The following VAV2 variants were observed in gnomAD, a reference collection of about 807,000 sequenced individuals.
The protein encoded by VAV2 is guanine nucleotide exchange factor VAV2.
In VAV2, 67 loss-of-function variants were observed where a neutral mutation model predicts 132.5. The ratio of observed to expected loss-of-function variants is 0.51; its 90% CI spans 0.42 to 0.62. VAV2 has a LOEUF of 0.62. Ranked by LOEUF, VAV2 falls within the 20% of genes least tolerant of loss-of-function variation. VAV2 has a pLI of 0.00. For missense variants in VAV2, 938 were observed against 1,153.6 expected (o/e 0.81, Z 2.71); for synonymous variants, 492 against 443.5 (o/e 1.11, Z -1.37).
chr9:133,914,337 C>T (rs1839982631), intron 2 of VAV2, among the ~76,000 whole-genome samples: 1 of 152,054 alleles, frequency 6.6e-6, no homozygotes, highest in African/African-American at 2.4e-5. Context: ...CAGCAGTGAT[C>T]TTCACAGTGG....
chr9:133,769,462 C>A lies in VAV2; in HGVS notation c.2389G>T (p.Gly797Cys), dbSNP rs1328349315. 1 of 1,613,140 alleles carries A rather than the reference C, an allele frequency of 6.2e-7. No individual in the cohort carries two copies. Among genetic ancestry groups the A allele is most frequent in the Non-Finnish European group, 8.5e-7 (1 of 1,179,592 alleles). The change falls in exon 28 of 30, where the codon GGC becomes TGC. Residue 797 changes from glycine to cysteine, a missense_variant. By Grantham distance (159) the Gly-to-Cys change is radical. Transcript: ENST00000371850. This position sits in a 1 kb window ranked among gnomAD's most constrained non-coding sequence, Gnocchi z 8.1. ...SYNFSFLSPQ[G>C]LSFASQGPSA... ...GGGCCCTGAGAAGCAAAGCTGAGGC[C>A]CTGAGGACTGAGAAAAGAAAAGTTG...
chr9:133,775,037 A>G lies in VAV2; in HGVS notation c.2033T>C (p.Met678Thr), dbSNP rs769246708. ...CAGGTTGTCCGTCTGCTGCCTCTCC[A>G]TGTTACCTGCAAACCTACAGGAGGG... ...YTAYPWFAGN[M>T]ERQQTDNLLK... The change falls in exon 25 of 30, where the codon ATG (methionine) becomes ACG (threonine). Residue 678 changes from methionine to threonine, a missense_variant. Physicochemically the swap from Met to Thr is moderately conservative, Grantham distance 81. Coordinates refer to ENST00000371850, the MANE Select transcript of VAV2 (RefSeq NM_001134398.2). The G allele has an allele frequency of 6.2e-7, 1 of 1,610,144 alleles. No individual in the cohort carries two copies. Among genetic ancestry groups the G allele is most frequent in the Non-Finnish European group, 8.5e-7 (1 of 1,178,392 alleles).
At chr9:133,899,515 T>G (rs1839355132) in intron 2 of VAV2, among the ~76,000 whole-genome samples, 1 of 151,810 alleles carries the variant, frequency 6.6e-6, no homozygotes. Flanking sequence ...TTCAAGCGAT[T>G]CTCATGCCTT....
At position 133,992,306 on chromosome 9, in the gene VAV2, G is replaced by A. The variant is rs1242106162; in HGVS notation, c.-28C>T. 1.5e-6 allele frequency: 2 copies of A among 1,373,634 alleles called. No homozygotes were observed. The highest frequency in any genetic ancestry group is 1.7e-5 in the South Asian group (1 of 59,548). The allele number at this position is 1,373,634 out of a possible 1,614,324, so 85.1% of individuals were successfully genotyped here. On this transcript the variant is annotated 5_prime_UTR_variant, in exon 1 of 30. Coordinates refer to ENST00000371850, the MANE Select transcript of VAV2 (RefSeq NM_001134398.2). This position sits in a 1 kb window ranked among gnomAD's most constrained non-coding sequence, Gnocchi z 5.5. ...CGCCCGCGGGCCCGACCGGCTCAGG[G>A]CAGTGCTCGAGCCAAAGTGCAGCGG...
intron 26 of VAV2, 43 bp from the exon 27 acceptor site, chr9:133,770,544 G>C: frequency 6.2e-7 from 1 of 1,606,602 alleles, no homozygotes; most frequent in African/African-American, 1.3e-5. Context: ...GCCACCTCCA[G>C]GAAGTCCTCC....
At chr9:133,819,010 G>A (rs1304332263) in intron 4 of VAV2, among the ~76,000 whole-genome samples, 8 of 152,058 alleles carry the variant, frequency 5.3e-5, no homozygotes. Flanking sequence ...CTCCCAAAGT[G>A]CTGGGATTAC....
rs1423395388 is a variant in VAV2, at chr9:133,883,997, C to T, written c.322-22565G>A. 2.6e-5 allele frequency among the ~76,000 whole-genome samples: 4 copies of T among 151,884 alleles called. No individual in the cohort carries two copies. Among genetic ancestry groups the T allele is most frequent in the African/African-American group, 7.3e-5 (3 of 41,332 alleles). On this transcript the variant is annotated intron_variant, in intron 2 of 29. Coordinates refer to ENST00000371850, the MANE Select transcript of VAV2 (RefSeq NM_001134398.2). This position sits in a 1 kb window ranked among gnomAD's most constrained non-coding sequence, Gnocchi z 4.2. ...AAAATACAAAAAAATTAGCTGGGCA[C>T]GGTGGCGCACACCTGTAGTCCCAGC...
chr9:133,850,002 C>G (rs1241141860), intron 3 of VAV2, among the ~76,000 whole-genome samples: 4 of 152,340 alleles, frequency 2.6e-5, no homozygotes, highest in East Asian at 1.9e-4. Context: ...CCCCTTCTCT[C>G]AGGCTTGTCT....
chr9:133,881,212 C>T (rs1395943160), intron 2 of VAV2, among the ~76,000 whole-genome samples: 2 of 152,256 alleles, frequency 1.3e-5, no homozygotes, highest in Non-Finnish European at 2.9e-5. Context: ...AGAAAAGCTG[C>T]CTTGGAGCCA....
In VAV2 at chr9:133,785,882, ACCACTGCAGG is replaced by A; in HGVS notation, c.1423-7_1425del. The A allele has an allele frequency of 6.2e-7, 1 of 1,613,192 alleles. No individual in the cohort carries two copies. The highest frequency in any genetic ancestry group is 1.1e-5 in the South Asian group (1 of 90,974). ...AGGTGAATTAGGTAGAAGCCGTAGGACCACTGCAGGGGGGAGAGGGGCCATGCTTGCAATA... is the reference window on the plus strand; with the variant it reads ...AGGTGAATTAGGTAGAAGCCGTAGGAGGGGAGAGGGGCCATGCTTGCAATA... On this transcript the variant is annotated splice_acceptor_variant and splice_polypyrimidine_tract_variant and coding_sequence_variant and intron_variant, in exon 17 of 30. Transcript: ENST00000371850. LOFTEE classifies it high-confidence loss of function.
chr9:133,811,357 C>G (rs1421792620), intron 5 of VAV2, among the ~76,000 whole-genome samples: 1 of 152,248 alleles, frequency 6.6e-6, no homozygotes, highest in African/African-American at 2.4e-5. Flanking sequence ...TACTCCCACA[C>G]TAAAGGAAAA....
At chr9:133,818,067 A>G (rs1835632492) in intron 4 of VAV2, among the ~76,000 whole-genome samples, 1 of 152,068 alleles carries the variant, frequency 6.6e-6, no homozygotes, top group African/African-American at 2.4e-5. Flanking sequence ...CACGTAGAAC[A>G]AAAAAGGCAG....
intron 4 of VAV2, among the ~76,000 whole-genome samples, chr9:133,827,053 G>A (rs1288042782): frequency 2.6e-5 from 4 of 152,202 alleles, no homozygotes; most frequent in East Asian, 3.8e-4. Context: ...AACAGAAAAT[G>A]GGAACTAGGA....
chr9:133,894,958 G>A (rs554353538), intron 2 of VAV2, among the ~76,000 whole-genome samples: 7 of 152,320 alleles, frequency 4.6e-5, no homozygotes, highest in South Asian at 2.1e-4. Flanking sequence ...CCTGGCCATC[G>A]GTGTCACCGC....
At chr9:133,901,767 C>T (rs950132996) in intron 2 of VAV2, among the ~76,000 whole-genome samples, 1 of 152,220 alleles carries the variant, frequency 6.6e-6, no homozygotes, top group African/African-American at 2.4e-5. Context: ...CCCGTAAGCA[C>T]AGACAGCCCT....
rs1564430490 is a variant in VAV2, at chr9:133,879,976, G to A, written c.322-18544C>T. On this transcript the variant is annotated intron_variant, in intron 2 of 29. Coordinates refer to ENST00000371850, the MANE Select transcript of VAV2 (RefSeq NM_001134398.2). This position sits in a 1 kb window ranked among gnomAD's most constrained non-coding sequence, Gnocchi z 4.4. ...ATTTTTCTTTTCCTGTCTAAGGGTA[G>A]GATTCAAAAATGCACTTTTCCCAGA... is the stretch of plus-strand genomic sequence containing the variant. Among the ~76,000 whole-genome samples the A allele has an allele frequency of 6.6e-6, 1 of 152,212 alleles. No individual in the cohort carries two copies. The highest frequency in any genetic ancestry group is 2.1e-4 in the South Asian group (1 of 4,832).
At chr9:133,842,464 C>T (rs957872259) in intron 3 of VAV2, among the ~76,000 whole-genome samples, 4 of 152,230 alleles carry the variant, frequency 2.6e-5, no homozygotes, top group Non-Finnish European at 5.9e-5. Context: ...AGGCCAGGTG[C>T]GGCCAGCCCT....
At chr9:133,934,642 TG>T (rs1443119873) in intron 2 of VAV2, among the ~76,000 whole-genome samples, 24 of 152,242 alleles carry the variant, frequency 1.6e-4, no homozygotes, top group Non-Finnish European at 2.9e-5. Flanking sequence ...CTCCAAGACT[TG>T]CCCCACAGGT....
Position 133,777,442 on chromosome 9 carries a change from T to A in VAV2, c.1912A>T (p.Lys638Ter). 6.2e-7 allele frequency: 1 copy of A among 1,613,672 alleles called. No homozygotes were observed. Among genetic ancestry groups the A allele is most frequent in the Non-Finnish European group, 8.5e-7 (1 of 1,179,996 alleles). ...GATGAGCTGGGGAAATACCCTGACTTCCTGGTTTGTACCAGACGACCCTGG... is the reference window on the plus strand; with the variant it reads ...GATGAGCTGGGGAAATACCCTGACTACCTGGTTTGTACCAGACGACCCTGG... ...WWEGRLVQTR[K>*]SGYFPSSSVK... The change falls in exon 23 of 30, where the codon AAG becomes TAG. Residue 638 changes from lysine (K) to a stop codon, truncating the protein, a stop_gained. Coordinates refer to ENST00000371850, the MANE Select transcript of VAV2 (RefSeq NM_001134398.2). LOFTEE classifies it high-confidence loss of function.
Sources: gnomAD v4.1 joint callset for allele counts (sites outside exome capture counted in the v4.1 genomes callset) on GRCh38, gnomAD v4.1.1 for gene constraint, Gnocchi (gnomAD v3.1) non-coding constraint, MANE v1.5 for transcripts, NCBI Gene and HGNC (gene_info 2026-07-23, HGNC 2026-07-21) for gene names.